Variants in NDST2 observed in about 807,000 individuals in gnomAD.
NDST2 encodes N-deacetylase and N-sulfotransferase 2, also known as bifunctional heparan sulfate N-deacetylase/N-sulfotransferase 2.
A neutral mutation model predicts 86.9 loss-of-function variants in NDST2; 32 were observed. The observed-to-expected ratio is 0.37, with a 90% CI of 0.28 to 0.49. The LOEUF (loss-of-function observed/expected upper bound fraction) is 0.49. Among genes scored for constraint, NDST2 ranks in the 20% least tolerant of loss-of-function variants. NDST2 has a pLI of 0.97. For synonymous variants in NDST2, 409 were observed against 437.0 expected (o/e 0.94, Z 0.80); for missense variants, 950 against 1,146.9 (o/e 0.83, Z 2.48).
Position 73,802,979 on chromosome 10 carries a change from T to A in NDST2, c.2416A>T (p.Thr806Ser). Residue 806 changes from threonine to serine, a missense_variant, in exon 13 of 15, where the codon ACC becomes TCC. Coordinates refer to ENST00000309979, the MANE Select transcript of NDST2 (RefSeq NM_003635.4). ...TGGGTCATGCTCTCCCACCTGAGGG[T>A]CCGTGTGTAGTTCAGAAAGGGTGTG... ...GITPFLNYTRTLRFDDDKGFW... is the reference protein window; with the variant it reads ...GITPFLNYTRSLRFDDDKGFW... 6.2e-7 allele frequency: 1 copy of A among 1,614,076 alleles called. No individual in the cohort carries two copies. Among genetic ancestry groups the A allele is most frequent in the Non-Finnish European group, 8.5e-7 (1 of 1,179,952 alleles).
At position 73,810,837 on chromosome 10, in the gene NDST2, G is replaced by A. The variant is rs1225922899; in HGVS notation, c.-380C>T. Reference sequence around the variant, plus strand: ...ACACAGCTCAGTTGGTGGGAGGGCTGGGATTCGACGTCAGGCCTGTCAAGC... The same window carrying A: ...ACACAGCTCAGTTGGTGGGAGGGCTAGGATTCGACGTCAGGCCTGTCAAGC... On this transcript the variant is annotated 5_prime_UTR_variant, in exon 2 of 15. Transcript: ENST00000309979. 5.0e-6 allele frequency: 2 copies of A among 399,162 alleles called. No homozygotes were observed. The highest frequency in any genetic ancestry group is 8.8e-6 in the Non-Finnish European group (2 of 226,108). The allele number at this position is 399,162 out of a possible 1,614,324, so 24.7% of individuals were successfully genotyped here.
chr10:73,811,202 G>A (rs1477843762), intron 1 of NDST2, among the ~76,000 whole-genome samples: 1 of 152,158 alleles, frequency 6.6e-6, no homozygotes, highest in African/African-American at 2.4e-5. Context: ...GACACCAAAG[G>A]GGAAGGGGCC....
Position 73,806,939 on chromosome 10 carries a change from T to A in NDST2, c.1094-128A>T. ...ACTTTCTATTTGCCCCACTGCCAAC[T>A]TGCCATCCAGCCACCCATGCGAACC... On this transcript the variant is annotated intron_variant, in intron 4 of 14. Coordinates refer to ENST00000309979, the MANE Select transcript of NDST2 (RefSeq NM_003635.4). The surrounding 1 kb of genome is among the most constrained non-coding windows in gnomAD (Gnocchi z 4.5). The A allele has an allele frequency of 6.6e-7, 1 of 1,520,528 alleles. No individual in the cohort carries two copies. The allele number at this position is 1,520,528 out of a possible 1,614,324, so 94.2% of individuals were successfully genotyped here. A position where few individuals can be genotyped will look rare whatever the true frequency, so the allele number is the denominator to read the frequency against.
chr10:73,810,661 G>C, intron 2 of NDST2, 138 bp downstream of exon 2: 1 of 392,030 alleles, frequency 2.6e-6, no homozygotes, highest in Non-Finnish European at 4.5e-6. Flanking sequence ...TCCCGTATTT[G>C]AGAAATTACA....
At chr10:73,804,133 G>C in intron 9 of NDST2, 117 bp from the exon 10 acceptor site, 1 of 1,212,070 alleles carries the variant, frequency 8.3e-7, no homozygotes, top group South Asian at 1.5e-5. Flanking sequence ...ATCCCCTATG[G>C]CCAAACTACA....
At position 73,808,315 on chromosome 10, in the gene NDST2, G is replaced by A. The variant is rs145546656; in HGVS notation, c.74C>T (p.Ala25Val). The A allele has an allele frequency of 6.9e-6, 11 of 1,594,384 alleles. No individual in the cohort carries two copies. The highest frequency in any genetic ancestry group is 3.3e-4 in the Middle Eastern group (2 of 6,036). Reference protein sequence around the residue: ...ELHRLILLLIAFSLGSMGFLA... With the variant: ...ELHRLILLLIVFSLGSMGFLA... ...GAAGCCCATGGAGCCCAGGCTGAAA[G>A]CGATCAGCAGCAGTATGAGGCGGTG... is the stretch of plus-strand genomic sequence containing the variant. The change falls in exon 3 of 15, where the codon GCT (alanine) becomes GTT (valine). Residue 25 changes from alanine (A) to valine (V), a missense_variant. Physicochemically the swap from Ala to Val is moderately conservative, Grantham distance 64. Coordinates refer to ENST00000309979, the MANE Select transcript of NDST2 (RefSeq NM_003635.4). The surrounding 1 kb of genome is among the most constrained non-coding windows in gnomAD (Gnocchi z 4.3).
chr10:73,808,110 A>G lies in NDST2; in HGVS notation c.279T>C (p.Ser93=). 6.2e-7 allele frequency: 1 copy of G among 1,614,082 alleles called. No homozygotes were observed. The highest frequency in any genetic ancestry group is 1.6e-4 in the Middle Eastern group (1 of 6,062). ...TEPVVLVFVE[S]AYSQLGQEIV... ...TTTCCTGCCCCAGCTGTGAGTATGC[A>G]CTCTCCACAAACACAAGGACCACGG... The change falls in exon 3 of 15, where the codon AGT becomes AGC. Residue 93 remains serine (S), a synonymous_variant. Transcript: ENST00000309979. The surrounding 1 kb of genome is among the most constrained non-coding windows in gnomAD (Gnocchi z 4.3).
In NDST2 at chr10:73,803,028, C is replaced by T. The variant is rs748161399; in HGVS notation, c.2367G>A (p.Glu789=). Residue 789 remains glutamate (E), a synonymous_variant, in exon 13 of 15, where the codon GAG becomes GAA. Coordinates refer to ENST00000309979, the MANE Select transcript of NDST2 (RefSeq NM_003635.4). The stretch of plus-strand genomic sequence containing the variant: ...TGATACCCAGGAACTTCTGGATGCT[C>T]TCCATTGAGGCTGCTGGGTTGGTAC... ...ELRTNPAASM[E]SIQKFLGITP... 5 of 1,614,104 alleles carry T rather than the reference C, an allele frequency of 3.1e-6. No individual in the cohort carries two copies. Among genetic ancestry groups the T allele is most frequent in the Non-Finnish European group, 4.2e-6 (5 of 1,180,054 alleles).
At chr10:73,807,051 A>G in intron 4 of NDST2, 57 bp downstream of exon 4, 2 of 1,523,428 alleles carry the variant, frequency 1.3e-6, no homozygotes, top group Non-Finnish European at 1.8e-6. Flanking sequence ...AGGGAGGTGG[A>G]CAGTGAAGGG....
In NDST2 at chr10:73,805,779, G is replaced by A; in HGVS notation, c.1564-10C>T. The A allele has an allele frequency of 6.2e-7, 1 of 1,614,010 alleles. No individual in the cohort carries two copies. Among genetic ancestry groups the A allele is most frequent in the Non-Finnish European group, 8.5e-7 (1 of 1,179,896 alleles). On this transcript the variant is annotated splice_polypyrimidine_tract_variant and intron_variant, in intron 7 of 14. Coordinates refer to ENST00000309979, the MANE Select transcript of NDST2 (RefSeq NM_003635.4). ...TCATAAAGATGCTGATCTGTAAGGGGTACCTGCATGTCAGATTTGGAGAGC... is the reference window on the plus strand; with the variant it reads ...TCATAAAGATGCTGATCTGTAAGGGATACCTGCATGTCAGATTTGGAGAGC...
chr10:73,807,338 G>A, intron 3 of NDST2, 46 bp downstream of exon 3: 1 of 1,604,522 alleles, frequency 6.2e-7, no homozygotes, highest in South Asian at 1.1e-5. Context: ...TGACAGGCCA[G>A]AGTGTGAATA....
chr10:73,806,582 G>A lies in NDST2; in HGVS notation c.1248+75C>T. The A allele has an allele frequency of 6.3e-7, 1 of 1,586,016 alleles. No homozygotes were observed. Among genetic ancestry groups the A allele is most frequent in the Non-Finnish European group, 8.6e-7 (1 of 1,160,380 alleles). ...AGAAAAACGCAAAGGATAGGAAAAG[G>A]GTAGCCCATTAGGGGAAGGTAGAAA... On this transcript the variant is annotated intron_variant, in intron 5 of 14. Transcript: ENST00000309979. This position sits in a 1 kb window ranked among gnomAD's most constrained non-coding sequence, Gnocchi z 4.5.
Position 73,807,388 on chromosome 10 carries a change from A to G in NDST2, c.1001T>C (p.Val334Ala). The stretch of plus-strand genomic sequence containing the variant: ...AATTTAAGTAACAAGACTGACCTCA[A>G]CATCAGCCACCTTCATGCGGGTCCC... ...KEGTRMKVAD[V>A]EALLTTQNKL... Residue 334 changes from valine (V) to alanine (A), a missense_variant, in exon 3 of 15, where the codon GTT becomes GCT. Transcript: ENST00000309979. 1 of 1,613,798 alleles carries G rather than the reference A, an allele frequency of 6.2e-7. No homozygotes were observed. The highest frequency in any genetic ancestry group is 8.5e-7 in the Non-Finnish European group (1 of 1,179,730).
Position 73,806,164 on chromosome 10 carries a change from C to T in NDST2, c.1434+125G>A. Reference sequence around the variant, plus strand: ...ACTGAGGGTGTTAAAATTTTTTCACCTTTCTACCCCCAATTATGTACCCCC... The same window carrying T: ...ACTGAGGGTGTTAAAATTTTTTCACTTTTCTACCCCCAATTATGTACCCCC... On this transcript the variant is annotated intron_variant, in intron 6 of 14. Coordinates refer to ENST00000309979, the MANE Select transcript of NDST2 (RefSeq NM_003635.4). The surrounding 1 kb of genome is among the most constrained non-coding windows in gnomAD (Gnocchi z 4.5). 2 of 1,529,700 alleles carry T rather than the reference C, an allele frequency of 1.3e-6. No individual in the cohort carries two copies. Among genetic ancestry groups the T allele is most frequent in the Non-Finnish European group, 1.8e-6 (2 of 1,119,660 alleles). The allele number at this position is 1,529,700 out of a possible 1,614,324, so 94.8% of individuals were successfully genotyped here.
chr10:73,804,975 A>G (rs913493660), intron 8 of NDST2, 106 bp from the exon 9 acceptor site: 1 of 578,540 alleles, frequency 1.7e-6, no homozygotes. Context: ...ATCTCGGCTC[A>G]CTGCAACCTC....
chr10:73,805,153 G>C (rs1016166709), intron 8 of NDST2, among the ~76,000 whole-genome samples: 1 of 151,680 alleles, frequency 6.6e-6, no homozygotes, highest in Non-Finnish European at 1.5e-5. Context: ...TGCCTGCCTC[G>C]GCCTCCCAAA....
Position 73,807,855 on chromosome 10 carries a change from G to A in NDST2, c.534C>T (p.Ser178=), listed in dbSNP as rs1162012949. 1.9e-6 allele frequency: 3 copies of A among 1,604,718 alleles called. No individual in the cohort carries two copies. In the Admixed American group the frequency reaches 5.0e-5, roughly 27 times the overall value. Residue 178 remains serine, a synonymous_variant, in exon 3 of 15, where the codon AGC becomes AGT. Transcript: ENST00000309979. ...IIGFFRAHEH[S]LLSAQLKGFP... Reference sequence around the variant, plus strand: ...AGCCCTTGAGCTGGGCGCTCAGTAGGCTGTGCTCGTGGGCTCGGAAAAAGC... The same window carrying A: ...AGCCCTTGAGCTGGGCGCTCAGTAGACTGTGCTCGTGGGCTCGGAAAAAGC...
At position 73,806,693 on chromosome 10, in the gene NDST2, C is replaced by T; in HGVS notation, c.1212G>A (p.Leu404=). 5.0e-6 allele frequency: 8 copies of T among 1,614,192 alleles called. No individual in the cohort carries two copies. The highest frequency in any genetic ancestry group is 6.8e-6 in the Non-Finnish European group (8 of 1,180,036). ...GTTTGTTGAGCCTCATCTGGTCAGC[C>T]AGCACGGAGCGATTGTGGAACAGGT... ...QPHLFHNRSV[L]ADQMRLNKQF... Residue 404 remains leucine, a synonymous_variant, in exon 5 of 15, where the codon CTG becomes CTA. Coordinates refer to ENST00000309979, the MANE Select transcript of NDST2 (RefSeq NM_003635.4). The surrounding 1 kb of genome is among the most constrained non-coding windows in gnomAD (Gnocchi z 4.5).
intron 2 of NDST2, chr10:73,809,199 TGA>T (rs2084157208): frequency 6.6e-6 from 1 of 152,268 alleles, no homozygotes; most frequent in Admixed American, 6.5e-5. Flanking sequence ...AAGGAACTCA[TGA>T]GTCTGTTAAT....
Sources: allele counts gnomAD v4.1 joint callset (sites outside exome capture counted in the v4.1 genomes callset), GRCh38; gene constraint gnomAD v4.1.1; non-coding constraint Gnocchi (gnomAD v3.1); transcripts MANE v1.5; gene names NCBI Gene and HGNC (gene_info 2026-07-23, HGNC 2026-07-21).